NRG3: variants seen among roughly 807,000 people sequenced by gnomAD.
The protein encoded by NRG3 is pro-neuregulin-3, membrane-bound isoform.
Under a neutral mutation model 66.9 loss-of-function variants are expected in NRG3, and 31 were observed. The ratio of observed to expected loss-of-function variants is 0.46; its 90% confidence interval spans 0.35 to 0.63. The LOEUF (loss-of-function observed/expected upper bound fraction) is 0.63. NRG3 is among the 20% of genes least tolerant of loss of function. The pLI is 0.00. For synonymous variants in NRG3, 393 were observed against 359.4 expected (o/e 1.09, Z -1.06); for missense variants, 910 against 878.9 (o/e 1.04, Z -0.45).
chr10:82,718,787 T>C (rs923597437), intron 2 of NRG3, among the ~76,000 whole-genome samples: 1 of 152,220 alleles, frequency 6.6e-6, no homozygotes, highest in East Asian at 1.9e-4. Context: ...CACTTCTTAT[T>C]TACTTCTGAC....
intron 2 of NRG3, among the ~76,000 whole-genome samples, chr10:82,616,624 G>A (rs536489633): frequency 7.2e-5 from 11 of 152,244 alleles, no homozygotes; most frequent in Admixed American, 3.9e-4. Flanking sequence ...AAATCATAGC[G>A]TTCTACAGTA....
At chr10:82,900,305 A>G (rs899631208) in intron 4 of NRG3, among the ~76,000 whole-genome samples, 6 of 152,196 alleles carry the variant, frequency 3.9e-5, no homozygotes, top group Non-Finnish European at 7.4e-5. Context: ...TCCAATCTGG[A>G]TTGCATATCC....
At chr10:82,726,309 C>T (rs1454692068) in intron 2 of NRG3, among the ~76,000 whole-genome samples, 1 of 152,098 alleles carries the variant, frequency 6.6e-6, no homozygotes, top group Non-Finnish European at 1.5e-5. Flanking sequence ...TAGTCATTAC[C>T]TTAGATATGG....
chr10:82,038,823 A>G (rs1037582264), intron 1 of NRG3, among the ~76,000 whole-genome samples: 9 of 152,004 alleles, frequency 5.9e-5, no homozygotes, highest in Non-Finnish European at 7.4e-5. Context: ...CAGTTCATCA[A>G]ACTGGTTTCT....
At chr10:81,923,367 G>C (rs953190004) in intron 1 of NRG3, among the ~76,000 whole-genome samples, 2 of 152,080 alleles carry the variant, frequency 1.3e-5, no homozygotes, top group Non-Finnish European at 2.9e-5. Flanking sequence ...CACCGCGCCC[G>C]GCTAATTTTT....
intron 2 of NRG3, among the ~76,000 whole-genome samples, chr10:82,496,381 A>G (rs146120032): frequency 1.8e-3 from 269 of 152,282 alleles, no homozygotes; most frequent in African/African-American, 6.2e-3. Context: ...ATGATATTCT[A>G]TTTCTGGGGG....
intron 1 of NRG3, among the ~76,000 whole-genome samples, chr10:81,979,486 C>A (rs2060254784): frequency 6.6e-6 from 1 of 152,120 alleles, no homozygotes; most frequent in South Asian, 2.1e-4. Context: ...TTGGTAACAG[C>A]CCTCTGTCCT....
At chr10:82,984,255 C>T (rs756898924) in intron 8 of NRG3, among the ~76,000 whole-genome samples, 4 of 152,212 alleles carry the variant, frequency 2.6e-5, no homozygotes, top group Non-Finnish European at 5.9e-5. Flanking sequence ...TTTACTAGCC[C>T]TGCACAGGCA....
chr10:82,701,761 T>G (rs560487569), intron 2 of NRG3, among the ~76,000 whole-genome samples: 1 of 152,314 alleles, frequency 6.6e-6, no homozygotes, highest in African/African-American at 2.4e-5. Context: ...CTCAGAATGT[T>G]TAGTCCCCAC....
intron 2 of NRG3, among the ~76,000 whole-genome samples, chr10:82,422,355 A>T (rs1366064804): frequency 2.0e-5 from 3 of 152,076 alleles, no homozygotes; most frequent in Non-Finnish European, 4.4e-5. Flanking sequence ...TTTGTAATGT[A>T]TTAATATGCA....
At chr10:82,668,977 T>C (rs2053026212) in intron 2 of NRG3, among the ~76,000 whole-genome samples, 2 of 152,144 alleles carry the variant, frequency 1.3e-5, no homozygotes, top group African/African-American at 2.4e-5. Flanking sequence ...GGAACTGCTG[T>C]TAAAGTCGGT....
chr10:82,131,156 T>G (rs985972855), intron 1 of NRG3, among the ~76,000 whole-genome samples: 1 of 152,192 alleles, frequency 6.6e-6, no homozygotes, highest in African/African-American at 2.4e-5. Flanking sequence ...TGTTCTCTTT[T>G]AGTATTTTCA....
chr10:82,539,620 G>A (rs180877042), intron 2 of NRG3, among the ~76,000 whole-genome samples: 4 of 150,170 alleles, frequency 2.7e-5, no homozygotes, highest in East Asian at 3.9e-4. Flanking sequence ...CTTGACTGCC[G>A]TTTTTTTTTG....
chr10:82,037,691 G>A (rs1036024414), intron 1 of NRG3, among the ~76,000 whole-genome samples: 3 of 152,058 alleles, frequency 2.0e-5, no homozygotes, highest in African/African-American at 7.2e-5. Context: ...AGGTTGCAGT[G>A]TGTTTTCAAC....
rs978797133 is a variant in NRG3 at position 82,358,854 on chromosome 10, C to G, written c.939C>G (p.Ser313=). 1.2e-6 allele frequency: 2 copies of G among 1,614,160 alleles called. No individual in the cohort carries two copies. The highest frequency in any genetic ancestry group is 1.7e-6 in the Non-Finnish European group (2 of 1,180,028). Residue 313 remains serine, a synonymous_variant, in exon 2 of 9, where the codon TCC becomes TCG. Coordinates refer to ENST00000372141, the MANE Select transcript of NRG3 (RefSeq NM_001010848.4). ...TTGTGATCGAAACCCTGACCGGATCCCATAAACACTGTCGGTAAGCCACTG... is the reference window on the plus strand; with the variant it reads ...TTGTGATCGAAACCCTGACCGGATCGCATAAACACTGTCGGTAAGCCACTG... The part of the protein sequence containing the change: ...ECFVIETLTG[S]HKHCRCKEGY...
intron 1 of NRG3, among the ~76,000 whole-genome samples, chr10:81,883,786 G>T (rs1842385357): frequency 6.6e-6 from 1 of 152,108 alleles, no homozygotes; most frequent in African/African-American, 2.4e-5. Context: ...TCCACTAAAA[G>T]AGAAAGCCAC....
chr10:81,927,283 A>G (rs1846900183), intron 1 of NRG3, among the ~76,000 whole-genome samples: 1 of 152,154 alleles, frequency 6.6e-6, no homozygotes, highest in South Asian at 2.1e-4. Flanking sequence ...AAACTGAATT[A>G]TTAATATCCT....
chr10:82,921,936 G>T (rs1273799457), intron 4 of NRG3, among the ~76,000 whole-genome samples: 1 of 152,028 alleles, frequency 6.6e-6, no homozygotes, highest in African/African-American at 2.4e-5. Context: ...CTGTTTTTGA[G>T]ATTCTTATTT....
intron 1 of NRG3, among the ~76,000 whole-genome samples, chr10:82,171,269 A>G (rs2072582166): frequency 6.6e-6 from 1 of 152,036 alleles, no homozygotes; most frequent in African/African-American, 2.4e-5. Context: ...TGATGTACTA[A>G]AAGATGAAGT....
Sources: allele counts gnomAD v4.1 joint callset (sites outside exome capture counted in the v4.1 genomes callset), GRCh38; gene constraint gnomAD v4.1.1; transcripts MANE v1.5; gene names NCBI Gene and HGNC (gene_info 2026-07-23, HGNC 2026-07-21).